RABGAP1L: variants seen among roughly 807,000 people sequenced by gnomAD.
RABGAP1L encodes the protein RAB GTPase activating protein 1 like, also known as rab GTPase-activating protein 1-like.
Under a neutral mutation model 137.7 loss-of-function variants are expected in RABGAP1L, and 63 were observed. That is an observed-to-expected ratio of 0.46 (90% CI 0.37 to 0.56). The LOEUF (loss-of-function observed/expected upper bound fraction) is 0.56, where lower values mean the gene tolerates loss of function less well. RABGAP1L is among the 20% of genes least tolerant of loss of function. The pLI is 0.00. For missense variants in RABGAP1L, 1,095 were observed against 1,244.0 expected, an observed-to-expected ratio of 0.88 and a Z score of 1.80; for synonymous variants, 431 against 433.7, an observed-to-expected ratio of 0.99 and a Z score of 0.08.
intron 13 of RABGAP1L, among the ~76,000 whole-genome samples, chr1:174,539,675 C>T (rs1484466809): frequency 6.6e-6 from 1 of 152,176 alleles, no homozygotes; most frequent in East Asian, 1.9e-4. Context: ...GCCACATTTT[C>T]TTAATCCAGT....
At chr1:174,425,689 T>A (rs1303428278) in intron 13 of RABGAP1L, among the ~76,000 whole-genome samples, 1 of 152,072 alleles carries the variant, frequency 6.6e-6, no homozygotes, top group Non-Finnish European at 1.5e-5. Flanking sequence ...ATGATGCGGT[T>A]TAGACATATT....
At chr1:174,788,891 T>C (rs1168682987) in intron 18 of RABGAP1L, among the ~76,000 whole-genome samples, 2 of 152,138 alleles carry the variant, frequency 1.3e-5, no homozygotes, top group Non-Finnish European at 2.9e-5. Flanking sequence ...TTTTTGTATT[T>C]TTAGTAGAGA....
chr1:174,636,334 A>G (rs1420077708), intron 13 of RABGAP1L, among the ~76,000 whole-genome samples: 1 of 152,114 alleles, frequency 6.6e-6, no homozygotes, highest in Non-Finnish European at 1.5e-5. Flanking sequence ...CTGTTCCAAC[A>G]CAGTGAAACC....
At chr1:174,878,733 G>A (rs1311319042) in intron 19 of RABGAP1L, among the ~76,000 whole-genome samples, 1 of 151,752 alleles carries the variant, frequency 6.6e-6, no homozygotes, top group East Asian at 1.9e-4. Context: ...AAAAAATAAA[G>A]GAGAAAGCTA....
chr1:174,188,118 T>G (rs1344714930), intron 1 of RABGAP1L, among the ~76,000 whole-genome samples: 1 of 152,180 alleles, frequency 6.6e-6, no homozygotes, highest in African/African-American at 2.4e-5. Flanking sequence ...AGTAAGTGTT[T>G]AGTGTTTGTC....
At chr1:174,900,418 T>C (rs1657949542) in intron 19 of RABGAP1L, among the ~76,000 whole-genome samples, 1 of 152,148 alleles carries the variant, frequency 6.6e-6, no homozygotes, top group Non-Finnish European at 1.5e-5. Flanking sequence ...CTGCGCCCTA[T>C]TTTAAATGGA....
chr1:174,203,807 A>G (rs547747647), intron 1 of RABGAP1L, among the ~76,000 whole-genome samples: 58 of 151,660 alleles, frequency 3.8e-4, no homozygotes, highest in African/African-American at 1.4e-3. Flanking sequence ...GAGATGTTCT[A>G]CCTCGTGGTT....
intron 19 of RABGAP1L, among the ~76,000 whole-genome samples, chr1:174,854,024 T>C (rs1367222969): frequency 1.3e-5 from 2 of 152,200 alleles, no homozygotes; most frequent in Non-Finnish European, 2.9e-5. Context: ...TCCACAGTGA[T>C]AAAGAAATTG....
chr1:174,943,810 G>A (rs928037035), intron 19 of RABGAP1L, among the ~76,000 whole-genome samples: 56 of 152,072 alleles, frequency 3.7e-4, no homozygotes, highest in African/African-American at 9.6e-4. Flanking sequence ...TCCAGCCGGC[G>A]CGACAGTGCG....
At chr1:174,750,469 A>G (rs1291506554) in intron 17 of RABGAP1L, among the ~76,000 whole-genome samples, 1 of 152,192 alleles carries the variant, frequency 6.6e-6, no homozygotes, top group Non-Finnish European at 1.5e-5. Context: ...AGTCACATTC[A>G]TACTCTAAGA....
intron 13 of RABGAP1L, among the ~76,000 whole-genome samples, chr1:174,418,635 T>G (rs1650887018): frequency 6.6e-6 from 1 of 152,234 alleles, no homozygotes; most frequent in Admixed American, 6.5e-5. Context: ...GGCACTATGA[T>G]GCTTCAGGGG....
intron 13 of RABGAP1L, among the ~76,000 whole-genome samples, chr1:174,503,523 T>C (rs1661520400): frequency 6.6e-6 from 1 of 151,432 alleles, no homozygotes; most frequent in African/African-American, 2.4e-5. Flanking sequence ...TAGCCAGATG[T>C]GGTGATGGGC....
At chr1:174,531,747 G>A (rs1001201378) in intron 13 of RABGAP1L, among the ~76,000 whole-genome samples, 1 of 133,834 alleles carries the variant, frequency 7.5e-6, no homozygotes, top group Admixed American at 8.2e-5. Flanking sequence ...CTGTCTCGGG[G>A]GTGGGGGGGG....
chr1:174,241,622 C>G lies in RABGAP1L; in HGVS notation c.682C>G (p.Gln228Glu). ...TESSHGSEEF[Q>E]IHVFSCEIKE... ...GAGTTCCCATGGTTCGGAAGAATTTCAGATACATGTTTTCTCCTGTGAAAT... is the reference window on the plus strand; with the variant it reads ...GAGTTCCCATGGTTCGGAAGAATTTGAGATACATGTTTTCTCCTGTGAAAT... Residue 228 changes from glutamine to glutamate, a missense_variant, in exon 5 of 26, where the codon CAG becomes GAG. By Grantham distance (29) the Gln-to-Glu change is conservative. Coordinates refer to ENST00000681986, the MANE Select transcript of RABGAP1L (RefSeq NM_001366446.1). 6.2e-7 allele frequency: 1 copy of G among 1,613,514 alleles called. No individual in the cohort carries two copies. The highest frequency in any genetic ancestry group is 8.5e-7 in the Non-Finnish European group (1 of 1,179,804).
chr1:174,455,426 T>C (rs1012278546), intron 13 of RABGAP1L, among the ~76,000 whole-genome samples: 1 of 152,142 alleles, frequency 6.6e-6, no homozygotes, highest in Non-Finnish European at 1.5e-5. Context: ...ATTATTTTAA[T>C]TGCAAGGCAC....
chr1:174,265,013 TTA>T (rs1424831552), intron 7 of RABGAP1L, among the ~76,000 whole-genome samples: 2 of 152,216 alleles, frequency 1.3e-5, no homozygotes, highest in Non-Finnish European at 2.9e-5. Context: ...TACATGTGTT[TTA>T]TGAGTGATAA....
At chr1:174,778,110 G>A (rs768231216) in intron 18 of RABGAP1L, among the ~76,000 whole-genome samples, 22 of 152,160 alleles carry the variant, frequency 1.4e-4, no homozygotes, top group Non-Finnish European at 2.4e-4. Flanking sequence ...ATCAAGGCGT[G>A]TTATGATGAA....
chr1:174,870,774 G>T (rs999607316), intron 19 of RABGAP1L, among the ~76,000 whole-genome samples: 29 of 142,792 alleles, frequency 2.0e-4, no homozygotes, highest in Non-Finnish European at 3.8e-4. Flanking sequence ...GTCTCGCTCT[G>T]TTGCCCAGGC....
chr1:174,868,511 C>G (rs566815173), intron 19 of RABGAP1L, among the ~76,000 whole-genome samples: 3 of 152,228 alleles, frequency 2.0e-5, no homozygotes, highest in African/African-American at 7.2e-5. Flanking sequence ...TACTCTAAGC[C>G]ATTGCACAGG....
Sources: allele counts gnomAD v4.1 joint callset (sites outside exome capture counted in the v4.1 genomes callset), GRCh38; gene constraint gnomAD v4.1.1; transcripts MANE v1.5; gene names NCBI Gene and HGNC (gene_info 2026-07-23, HGNC 2026-07-21).